Variants in MTO1 observed in about 807,000 individuals in gnomAD.
MTO1 encodes 5-taurinomethyluridine-[tRNA] synthase subunit MTO1, mitochondrial.
MTO1 carries 46 observed loss-of-function variants against 71.6 expected under a neutral mutation model. That is an observed-to-expected ratio of 0.64 (90% confidence interval 0.51 to 0.82). The LOEUF (loss-of-function observed/expected upper bound fraction) is 0.82. Ranked by LOEUF, MTO1 falls within the 40% of genes least tolerant of loss-of-function variation. The pLI is 0.00. For missense variants in MTO1, 773 were observed against 867.5 expected, an observed-to-expected ratio of 0.89 and a Z score of 1.37; for synonymous variants, 297 against 312.1, an observed-to-expected ratio of 0.95 and a Z score of 0.51.
chr6:73,483,495 T>A (rs997638233), intron 9 of MTO1, among the ~76,000 whole-genome samples: 1 of 152,044 alleles, frequency 6.6e-6, no homozygotes, highest in Admixed American at 6.6e-5. Flanking sequence ...CATTGAGTTC[T>A]TTTGGCTTTC....
chr6:73,466,726 AC>A, intron 3 of MTO1, 120 bp downstream of exon 3: 1 of 793,958 alleles, frequency 1.3e-6, no homozygotes, highest in Non-Finnish European at 2.1e-6. Flanking sequence ...CATTTTCTCT[AC>A]CTGGATGAGG....
chr6:73,481,089 G>A, intron 7 of MTO1: 1 of 392,192 alleles, frequency 2.5e-6, no homozygotes, highest in Non-Finnish European at 4.8e-6. Context: ...TAGTAGCTGG[G>A]ACTGCAGGCA....
chr6:73,475,277 T>G (rs1400726961), intron 4 of MTO1, among the ~76,000 whole-genome samples: 2 of 151,652 alleles, frequency 1.3e-5, no homozygotes, highest in Non-Finnish European at 2.9e-5. Context: ...AGGCGTTTTT[T>G]GTTTTGTTTT....
rs765709459 is a variant in MTO1, at chr6:73,501,717, C to T, written c.*982C>T. On this transcript the variant is annotated 3_prime_UTR_variant, in exon 12 of 12. Transcript: ENST00000498286. ...AATACAGCCAAATGGGCCAGACAGC[C>T]CTGCTTGTCTCTGGAATTCCAACCC... is the stretch of plus-strand genomic sequence containing the variant. 9 of 152,168 alleles carry T rather than the reference C, an allele frequency of 5.9e-5. No individual in the cohort carries two copies. The highest frequency in any genetic ancestry group is 2.2e-4 in the African/African-American group (9 of 41,412). 9.4% of individuals were successfully genotyped at this position (152,168 alleles called of 1,614,324 possible).
At position 73,482,587 on chromosome 6, in the gene MTO1, C is replaced by T. The variant is rs756010604; in HGVS notation, c.1604C>T (p.Ala535Val). 1 of 1,610,724 alleles carries T rather than the reference C, an allele frequency of 6.2e-7. No individual in the cohort carries two copies. ...SSKWKKLIPE[A>V]SISTSRSLPV... ...AAATGGAAAAAATTAATCCCAGAGG[C>T]TTCTATAAGTACTAGTAGAAGTCTG... The change falls in exon 9 of 12, where the codon GCT becomes GTT. Residue 535 changes from alanine (A) to valine (V), a missense_variant. By Grantham distance (64) the Ala-to-Val change is moderately conservative. Coordinates refer to ENST00000498286, the MANE Select transcript of MTO1 (RefSeq NM_012123.4).
intron 4 of MTO1, among the ~76,000 whole-genome samples, chr6:73,477,751 C>T (rs774572633): frequency 2.0e-5 from 3 of 151,922 alleles, no homozygotes; most frequent in Non-Finnish European, 4.4e-5. Flanking sequence ...AAGGGATCTG[C>T]CTGCCTTGGG....
chr6:73,488,238 A>G (rs1771708536), intron 9 of MTO1, among the ~76,000 whole-genome samples: 1 of 151,944 alleles, frequency 6.6e-6, no homozygotes, highest in African/African-American at 2.4e-5. Flanking sequence ...CAGTGGTACA[A>G]TCATAGCTCA....
chr6:73,479,858 G>A lies in MTO1; in HGVS notation c.938+14G>A. On this transcript the variant is annotated intron_variant, in intron 5 of 11. Coordinates refer to ENST00000498286, the MANE Select transcript of MTO1 (RefSeq NM_012123.4). ...AAGAGGACCTCGGTAAGGACAAAAT[G>A]TCAGTGCTCAGTTACTTTAAGGAAT... The A allele has an allele frequency of 1.9e-6, 3 of 1,606,500 alleles. No individual in the cohort carries two copies. The highest frequency in any genetic ancestry group is 1.7e-6 in the Non-Finnish European group (2 of 1,173,918).
At chr6:73,463,634 GAA>G (rs1770892074) in intron 1 of MTO1, among the ~76,000 whole-genome samples, 2 of 152,148 alleles carry the variant, frequency 1.3e-5, no homozygotes, top group African/African-American at 2.4e-5. Context: ...TAACTGTGAA[GAA>G]ATATATACTA....
intron 9 of MTO1, among the ~76,000 whole-genome samples, chr6:73,490,883 T>C (rs1771784462): frequency 1.3e-5 from 2 of 152,048 alleles, no homozygotes; most frequent in Non-Finnish European, 2.9e-5. Context: ...CTTTGTAATA[T>C]CAAGAGGGGA....
chr6:73,480,877 G>A, intron 7 of MTO1, 72 bp downstream of exon 7: 1 of 1,454,580 alleles, frequency 6.9e-7, no homozygotes, highest in African/African-American at 1.4e-5. Context: ...AATGTCTGTT[G>A]TGTTAACTAT....
rs1772161514 is a variant in MTO1 at position 73,501,711 on chromosome 6, G to A, written c.*976G>A. 1 of 152,182 alleles carries A rather than the reference G, an allele frequency of 6.6e-6. No individual in the cohort carries two copies. The highest frequency in any genetic ancestry group is 1.5e-5 in the Non-Finnish European group (1 of 68,056). 9.4% of individuals were successfully genotyped at this position (152,182 alleles called of 1,614,324 possible). A position where few individuals can be genotyped will look rare whatever the true frequency, so the allele number is the denominator to read the frequency against. On this transcript the variant is annotated 3_prime_UTR_variant, in exon 12 of 12. Coordinates refer to ENST00000498286, the MANE Select transcript of MTO1 (RefSeq NM_012123.4). The stretch of plus-strand genomic sequence containing the variant: ...GGGATGAATACAGCCAAATGGGCCA[G>A]ACAGCCCTGCTTGTCTCTGGAATTC...
Position 73,463,814 on chromosome 6 carries a change from C to T in MTO1, c.217+1743C>T, listed in dbSNP as rs569271672. Among the ~76,000 whole-genome samples the T allele has an allele frequency of 5.3e-5, 8 of 152,184 alleles. No individual in the cohort carries two copies. In the East Asian group the frequency reaches 1.4e-3, roughly 26 times the overall value. On this transcript the variant is annotated intron_variant, in intron 1 of 11. Coordinates refer to ENST00000498286, the MANE Select transcript of MTO1 (RefSeq NM_012123.4). ...AGAATGCAGTGGCGCGATCTTGGCTCACTGCAACCTCCACCTCCCGGGTTC... is the reference window on the plus strand; with the variant it reads ...AGAATGCAGTGGCGCGATCTTGGCTTACTGCAACCTCCACCTCCCGGGTTC...
chr6:73,467,735 T>C (rs1771041976), intron 3 of MTO1, among the ~76,000 whole-genome samples: 1 of 152,182 alleles, frequency 6.6e-6, no homozygotes, highest in African/African-American at 2.4e-5. Flanking sequence ...TTATTGTATA[T>C]ACTTCCATAT....
intron 4 of MTO1, among the ~76,000 whole-genome samples, chr6:73,475,606 A>G (rs1377621584): frequency 6.7e-6 from 1 of 149,170 alleles, no homozygotes; most frequent in Non-Finnish European, 1.5e-5. Flanking sequence ...CATCCACCTC[A>G]CGGGTTCGAG....
intron 9 of MTO1, among the ~76,000 whole-genome samples, 169 bp downstream of exon 9, chr6:73,482,789 C>CTTTTTTTTTTTTTTT (rs35121302): frequency 9.3e-4 from 86 of 92,120 alleles, no homozygotes; most frequent in Non-Finnish European, 1.3e-3. Context: ...TTTTTTCTTT[C>CTTTTTTTTTTTTTTT]TTTTTTTTTT....
At chr6:73,472,749 G>A (rs1475429461) in intron 3 of MTO1, among the ~76,000 whole-genome samples, 1 of 152,034 alleles carries the variant, frequency 6.6e-6, no homozygotes, top group East Asian at 1.9e-4. Flanking sequence ...GTGAGGTGAT[G>A]GTTATATTAA....
At position 73,461,785 on chromosome 6, in the gene MTO1, C is replaced by T. The variant is rs997117957; in HGVS notation, c.-70C>T. 10 of 1,521,360 alleles carry T rather than the reference C, an allele frequency of 6.6e-6. No individual in the cohort carries two copies. The highest frequency in any genetic ancestry group is 3.5e-5 in the South Asian group (3 of 84,608). 94.2% of individuals were successfully genotyped at this position (1,521,360 alleles called of 1,614,324 possible). A position where few individuals can be genotyped will look rare whatever the true frequency, so the allele number is the denominator to read the frequency against. On this transcript the variant is annotated 5_prime_UTR_variant, in exon 1 of 12. Coordinates refer to ENST00000498286, the MANE Select transcript of MTO1 (RefSeq NM_012123.4). ...AAGATGGCCGCGCCCTGCAGATTGT[C>T]TCTTGTTGCGTAAGTTTTTTTGACC...
intron 11 of MTO1, 32 bp downstream of exon 11, chr6:73,497,928 TTATAGA>T: frequency 6.3e-7 from 1 of 1,575,800 alleles, no homozygotes; most frequent in Non-Finnish European, 8.7e-7. Context: ...TAGAAACAAG[TTATAGA>T]TAAAGATACA....
Sources: allele counts gnomAD v4.1 joint callset (sites outside exome capture counted in the v4.1 genomes callset), GRCh38; gene constraint gnomAD v4.1.1; transcripts MANE v1.5; gene names NCBI Gene and HGNC (gene_info 2026-07-23, HGNC 2026-07-21).